Variants in ROBO1 observed in about 807,000 individuals in gnomAD.
The protein encoded by ROBO1 is roundabout guidance receptor 1.
ROBO1 carries 149 observed loss-of-function variants against 195.9 expected under a neutral mutation model. The observed-to-expected ratio is 0.76, with a 90% CI of 0.67 to 0.87. ROBO1 has a LOEUF of 0.87. Ranked by LOEUF, ROBO1 falls within the 40% of genes least tolerant of loss-of-function variation. The pLI is 0.00. For synonymous variants in ROBO1, 816 were observed against 733.2 expected (o/e 1.11, Z -1.82); for missense variants, 1,933 against 2,068.3 (o/e 0.93, Z 1.27).
intron 14 of ROBO1, 89 bp downstream of exon 14, chr3:78,667,794 T>G: frequency 4.5e-6 from 6 of 1,332,712 alleles, no homozygotes; most frequent in Non-Finnish European, 6.2e-6. Context: ...AAATGTACAA[T>G]TCTAGCATGT....
chr3:79,760,236 C>CA (rs11451206), intron 1 of ROBO1, among the ~76,000 whole-genome samples: 155 of 4,510 alleles, frequency 0.034, 61 homozygotes, highest in African/African-American at 0.042. Flanking sequence ...GACCCTATCT[C>CA]AAAAAAAAAA....
At chr3:79,019,125 G>A in intron 3 of ROBO1, 1 of 986,702 alleles carries the variant, frequency 1.0e-6, no homozygotes, top group Non-Finnish European at 1.2e-6. Flanking sequence ...GGAGGGTACT[G>A]GAGACAGCAG....
chr3:79,310,501 C>T (rs2033433436), intron 2 of ROBO1, among the ~76,000 whole-genome samples: 1 of 152,140 alleles, frequency 6.6e-6, no homozygotes, highest in African/African-American at 2.4e-5. Context: ...CTCTATTCTA[C>T]CATCCAATAT....
At chr3:79,173,631 C>G (rs1376327464) in intron 2 of ROBO1, among the ~76,000 whole-genome samples, 1 of 152,084 alleles carries the variant, frequency 6.6e-6, no homozygotes, top group Non-Finnish European at 1.5e-5. Flanking sequence ...CGGCTCAGCC[C>G]GAGCCTCCCG....
At chr3:78,882,301 C>T (rs2036228271) in intron 4 of ROBO1, among the ~76,000 whole-genome samples, 1 of 152,058 alleles carries the variant, frequency 6.6e-6, no homozygotes, top group Non-Finnish European at 1.5e-5. Flanking sequence ...TGAAATGAGG[C>T]CACTACAAAA....
chr3:78,734,794 T>A (rs2082358659), intron 5 of ROBO1, among the ~76,000 whole-genome samples: 1 of 152,142 alleles, frequency 6.6e-6, no homozygotes, highest in Non-Finnish European at 1.5e-5. Flanking sequence ...AGTATATTGT[T>A]TCCCAAAAGC....
chr3:78,815,938 T>C (rs2084887671), intron 4 of ROBO1, among the ~76,000 whole-genome samples: 1 of 152,316 alleles, frequency 6.6e-6, no homozygotes, highest in East Asian at 1.9e-4. Context: ...AGTTACTATA[T>C]ATGTTTCCAG....
intron 21 of ROBO1, 44 bp from the exon 22 acceptor site, chr3:78,639,942 G>T: frequency 1.4e-6 from 2 of 1,400,142 alleles, no homozygotes; most frequent in Non-Finnish European, 1.9e-6. Flanking sequence ...TATGAATAGA[G>T]AGTAATATTT....
intron 2 of ROBO1, among the ~76,000 whole-genome samples, chr3:79,444,896 A>G (rs1339892254): frequency 6.6e-6 from 1 of 152,074 alleles, no homozygotes; most frequent in Non-Finnish European, 1.5e-5. Context: ...ACAACTGATA[A>G]CAATGCAAAT....
At chr3:79,036,608 T>C (rs1056476595) in intron 3 of ROBO1, among the ~76,000 whole-genome samples, 5 of 152,154 alleles carry the variant, frequency 3.3e-5, no homozygotes, top group Non-Finnish European at 7.4e-5. Context: ...AATATGTTCA[T>C]AAGAATACAA....
intron 2 of ROBO1, among the ~76,000 whole-genome samples, chr3:79,145,372 TACACACACACACACACACACAC>T (rs71127376): frequency 1.4e-5 from 1 of 72,952 alleles, no homozygotes; most frequent in Non-Finnish European, 2.6e-5. Flanking sequence ...CACACACACA[TACACACACACACACACACACAC>T]ACACACACAC....
intron 3 of ROBO1, among the ~76,000 whole-genome samples, chr3:79,073,196 A>G (rs1458901995): frequency 6.6e-6 from 1 of 152,026 alleles, no homozygotes; most frequent in East Asian, 1.9e-4. Flanking sequence ...GTTTTAAAAT[A>G]CATTTAAACA....
chr3:79,606,127 T>TA (rs574182369), intron 1 of ROBO1, among the ~76,000 whole-genome samples: 3 of 150,266 alleles, frequency 2.0e-5, no homozygotes, highest in Admixed American at 6.6e-5. Flanking sequence ...TTTACTCATT[T>TA]AAAAAAATTA....
At chr3:79,309,246 T>C (rs1474072888) in intron 2 of ROBO1, among the ~76,000 whole-genome samples, 2 of 152,174 alleles carry the variant, frequency 1.3e-5, no homozygotes, top group Non-Finnish European at 2.9e-5. Flanking sequence ...CTGAGTTATA[T>C]TGTACACATA....
At position 79,393,961 on chromosome 3, in the gene ROBO1, G is replaced by C. The variant is rs147258389; in HGVS notation, c.88+195863C>G. ...AGAATCCTGCAGTGTGTATAAAACC[G>C]AGTGCTCCAGAGTGTTGCAGGGGAA... On this transcript the variant is annotated intron_variant, in intron 2 of 30. Transcript: ENST00000464233. Among the ~76,000 whole-genome samples, 10 of 152,132 alleles carry C rather than the reference G, an allele frequency of 6.6e-5. No individual in the cohort carries two copies. In the East Asian group the frequency reaches 1.9e-3, roughly 29 times the overall value.
chr3:79,504,632 A>G (rs1940291323), intron 2 of ROBO1, among the ~76,000 whole-genome samples: 1 of 152,192 alleles, frequency 6.6e-6, no homozygotes, highest in African/African-American at 2.4e-5. Context: ...TTAGGTGACC[A>G]TTGGCAGACT....
intron 1 of ROBO1, among the ~76,000 whole-genome samples, chr3:79,614,367 C>T (rs1303773996): frequency 6.6e-6 from 1 of 151,962 alleles, no homozygotes; most frequent in Admixed American, 6.6e-5. Flanking sequence ...ATATATCACC[C>T]ACATGTATCC....
At chr3:79,583,724 A>T (rs35078540) in intron 2 of ROBO1, among the ~76,000 whole-genome samples, 4 of 151,978 alleles carry the variant, frequency 2.6e-5, no homozygotes, top group Non-Finnish European at 4.4e-5. Context: ...TAGCATAGGA[A>T]ATACAAATGA....
chr3:78,919,507 CAATTGAAGCTTTACTGCTTCCCAGCT>C (rs557379033), intron 4 of ROBO1, among the ~76,000 whole-genome samples: 144 of 152,262 alleles, frequency 9.5e-4, no homozygotes, highest in African/African-American at 3.4e-3. Flanking sequence ...CACGGTAAGC[CAATTGAAGCTTTACTGCTTCCCAGCT>C]ATTTACTTAG....
Sources: allele counts gnomAD v4.1 joint callset (sites outside exome capture counted in the v4.1 genomes callset), GRCh38; gene constraint gnomAD v4.1.1; transcripts MANE v1.5; gene names NCBI Gene and HGNC (gene_info 2026-07-23, HGNC 2026-07-21).